SUGP1: variants seen among roughly 807,000 people sequenced by gnomAD.
SUGP1 encodes the protein SURP and G-patch domain-containing protein 1.
Under a neutral mutation model 76.5 loss-of-function variants are expected in SUGP1, and 34 were observed. The observed-to-expected ratio is 0.44, with a 90% CI of 0.34 to 0.59. The LOEUF is 0.59. SUGP1 is among the 20% of genes least tolerant of loss of function. SUGP1 has a pLI of 0.01. For missense variants in SUGP1, 752 were observed against 851.7 expected (o/e 0.88, Z 1.46); for synonymous variants, 326 against 326.2 (o/e 1.00, Z 0.01).
chr19:19,312,144 C>T lies in SUGP1; in HGVS notation c.207-1944G>A, dbSNP rs187506840. Among the ~76,000 whole-genome samples the T allele has an allele frequency of 4.0e-5, 6 of 151,580 alleles. No individual in the cohort carries two copies. In the East Asian group the frequency reaches 7.8e-4, roughly 20 times the overall value. Reference sequence around the variant, plus strand: ...TAATTCCAGCATTCCAGAGGATCACCGGAGCCCAGGAGGTCAAGGCGGAAG... The same window carrying T: ...TAATTCCAGCATTCCAGAGGATCACTGGAGCCCAGGAGGTCAAGGCGGAAG... On this transcript the variant is annotated intron_variant, in intron 2 of 13. Transcript: ENST00000247001.
rs767708960 is a variant in SUGP1 at position 19,303,337 on chromosome 19, C to T, written c.763+11G>A. The T allele has an allele frequency of 1.7e-5, 28 of 1,611,748 alleles. No homozygotes were observed. The highest frequency in any genetic ancestry group is 5.3e-5 in the African/African-American group (4 of 74,864). On this transcript the variant is annotated intron_variant, in intron 6 of 13. Coordinates refer to ENST00000247001, the MANE Select transcript of SUGP1 (RefSeq NM_172231.4). Reference sequence around the variant, plus strand: ...CCTCCCCAGAATCTCCCACCCGCTCCGTCCACCTACCTTTCTGAGAGGCTG... The same window carrying T: ...CCTCCCCAGAATCTCCCACCCGCTCTGTCCACCTACCTTTCTGAGAGGCTG...
chr19:19,281,158 T>G (rs909611222), intron 8 of SUGP1: 7 of 152,292 alleles, frequency 4.6e-5, no homozygotes, highest in African/African-American at 1.4e-4. Context: ...CCTTAGAGCA[T>G]GCCCACAGTC....
chr19:19,276,469 CGCT>C lies in SUGP1; in HGVS notation c.*176_*178del. The C allele has an allele frequency of 2.9e-6, 2 of 692,218 alleles. No homozygotes were observed. Among genetic ancestry groups the C allele is most frequent in the Non-Finnish European group, 5.0e-6 (2 of 401,554 alleles). 42.9% of individuals were successfully genotyped at this position (692,218 alleles called of 1,614,324 possible). ...AGCCCCGAGACAGCATCTTGCATCC[CGCT>C]GCTAACAGGAGGGGCTTCCTGCAAC... is the stretch of plus-strand genomic sequence containing the variant. On this transcript the variant is annotated 3_prime_UTR_variant, in exon 14 of 14. Coordinates refer to ENST00000247001, the MANE Select transcript of SUGP1 (RefSeq NM_172231.4).
rs569955081 is a variant in SUGP1 at position 19,297,253 on chromosome 19, A to T, written c.979T>A (p.Phe327Ile). 1.3e-6 allele frequency: 2 copies of T among 1,583,750 alleles called. No individual in the cohort carries two copies. Among genetic ancestry groups the T allele is most frequent in the African/African-American group, 1.3e-5 (1 of 74,430 alleles). ...TTCAGGCCGGGATCAGGTGCTGTGAAGCTGCCTGTGGAGCTGGCCTTGGCT... is the reference window on the plus strand; with the variant it reads ...TTCAGGCCGGGATCAGGTGCTGTGATGCTGCCTGTGGAGCTGGCCTTGGCT... ...RKAKASSTGS[F>I]TAPDPGLKRK... The change falls in exon 8 of 14, where the codon TTC becomes ATC. Residue 327 changes from phenylalanine (F) to isoleucine (I), a missense_variant. Physicochemically the swap from Phe to Ile is conservative, Grantham distance 21 (BLOSUM62 0). This residue lies in a region of SUGP1 where 620 missense variants were observed against 617.3 expected (regional missense o/e 1.00). Coordinates refer to ENST00000247001, the MANE Select transcript of SUGP1 (RefSeq NM_172231.4).
chr19:19,305,243 GTTCA>G (rs2061307490), intron 4 of SUGP1, among the ~76,000 whole-genome samples: 4 of 152,182 alleles, frequency 2.6e-5, no homozygotes, highest in African/African-American at 9.7e-5. Context: ...CCTTCACACA[GTTCA>G]GGTGTCACAG....
intron 8 of SUGP1, among the ~76,000 whole-genome samples, chr19:19,288,476 TA>T (rs1256593927): frequency 6.6e-6 from 1 of 152,164 alleles, no homozygotes; most frequent in Non-Finnish European, 1.5e-5. Flanking sequence ...AACAGTAGGC[TA>T]TTAGTAGTTA....
intron 8 of SUGP1, among the ~76,000 whole-genome samples, chr19:19,294,523 A>AC (rs896465370): frequency 4.0e-5 from 6 of 151,832 alleles, no homozygotes; most frequent in African/African-American, 9.7e-5. Context: ...AAAAAAAAAA[A>AC]AAAACCCAAA....
In SUGP1 at chr19:19,279,300, G is replaced by C. The variant is rs749160884; in HGVS notation, c.1441C>G (p.His481Asp). The change falls in exon 10 of 14, where the codon CAC (histidine) becomes GAC (aspartate). Residue 481 changes from histidine to aspartate, a missense_variant. By Grantham distance (81) the His-to-Asp change is moderately conservative (BLOSUM62 -1). This residue lies in a region of SUGP1 where 132 missense variants were observed against 234.4 expected (regional missense o/e 0.56). Coordinates refer to ENST00000247001, the MANE Select transcript of SUGP1 (RefSeq NM_172231.4). ...ACCTCCTCATCACTGTCATAGCCGT[G>C]CTGGTGCTGTTGGACTGCCTTCTCC... ...LWEKAVQQHQ[H>D]GYDSDEEVDS... 1.2e-6 allele frequency: 2 copies of C among 1,611,226 alleles called. No homozygotes were observed. The highest frequency in any genetic ancestry group is 2.7e-5 in the African/African-American group (2 of 74,864).
At chr19:19,310,708 A>G (rs1415749826) in intron 2 of SUGP1, among the ~76,000 whole-genome samples, 1 of 152,158 alleles carries the variant, frequency 6.6e-6, no homozygotes, top group East Asian at 1.9e-4. Context: ...CAGTGGGGCA[A>G]TCTTGGCTCA....
In SUGP1 at chr19:19,305,913, C is replaced by T. The variant is rs761121456; in HGVS notation, c.474G>A (p.Pro158=). 9.3e-5 allele frequency: 150 copies of T among 1,613,670 alleles called. No homozygotes were observed. Among genetic ancestry groups the T allele is most frequent in the East Asian group, 3.8e-4 (17 of 44,858 alleles). The part of the protein sequence containing the change: ...HAKQLPVAHR[P]SVFQSPDEDE... ...CCTCGTCAGGGGACTGGAAGACACTCGGGCGGTGCGCCACGGGCAGCTGCT... is the reference window on the plus strand; with the variant it reads ...CCTCGTCAGGGGACTGGAAGACACTTGGGCGGTGCGCCACGGGCAGCTGCT... Residue 158 remains proline, a synonymous_variant, in exon 4 of 14, where the codon CCG becomes CCA. Coordinates refer to ENST00000247001, the MANE Select transcript of SUGP1 (RefSeq NM_172231.4).
chr19:19,297,436 CGTTGGCCAG>C, intron 7 of SUGP1, 92 bp from the exon 8 acceptor site: 1 of 791,820 alleles, frequency 1.3e-6, no homozygotes, highest in Non-Finnish European at 1.8e-6. Context: ...TGTGTGCCCA[CGTTGGCCAG>C]GGTCACTATA....
intron 8 of SUGP1, among the ~76,000 whole-genome samples, chr19:19,295,725 C>T (rs1370296065): frequency 2.0e-5 from 3 of 150,354 alleles, no homozygotes; most frequent in Non-Finnish European, 4.4e-5. Flanking sequence ...CAAACAAAAA[C>T]TGGGCATGGT....
intron 3 of SUGP1, among the ~76,000 whole-genome samples, chr19:19,309,794 C>A (rs1303433500): frequency 6.6e-6 from 1 of 152,152 alleles, no homozygotes; most frequent in African/African-American, 2.4e-5. Context: ...CGTCTGTAGT[C>A]CCAGGTACTC....
chr19:19,276,939 A>G lies in SUGP1; in HGVS notation c.1911+8T>C. On this transcript the variant is annotated splice_region_variant and intron_variant, in intron 13 of 13. Coordinates refer to ENST00000247001, the MANE Select transcript of SUGP1 (RefSeq NM_172231.4). ...CTGAGCAAAGGCAGCCCAGGAGGAC[A>G]TGCGTACCAGGGGGTTGGGCCGGAA... 6.2e-7 allele frequency: 1 copy of G among 1,612,878 alleles called. No homozygotes were observed. Among genetic ancestry groups the G allele is most frequent in the Non-Finnish European group, 8.5e-7 (1 of 1,179,960 alleles).
At chr19:19,300,884 CA>C (rs1394509091) in intron 7 of SUGP1, among the ~76,000 whole-genome samples, 1 of 152,290 alleles carries the variant, frequency 6.6e-6, no homozygotes, top group Non-Finnish European at 1.5e-5. Context: ...GTTCTGACAT[CA>C]GGGGTGAGGC....
rs199690877 is a variant in SUGP1 at position 19,303,724 on chromosome 19, G to A, written c.662C>T (p.Ala221Val). The change falls in exon 5 of 14, where the codon GCA (alanine) becomes GTA (valine). Residue 221 changes from alanine (A) to valine (V), a missense_variant and splice_region_variant. Physicochemically the swap from Ala to Val is moderately conservative, Grantham distance 64. Coordinates refer to ENST00000247001, the MANE Select transcript of SUGP1 (RefSeq NM_172231.4). Reference sequence around the variant, plus strand: ...CCTTCCCTTCCCCGGAGATACTCACGCAAATGCTGGGTTATCCTTGTAGTC... The same window carrying A: ...CCTTCCCTTCCCCGGAGATACTCACACAAATGCTGGGTTATCCTTGTAGTC... ...MEDYKDNPAF[A>V]FLHDKNSREF... 69 of 1,614,154 alleles carry A rather than the reference G, an allele frequency of 4.3e-5. No homozygotes were observed. The East Asian group carries it at 1.3e-3, about 30-fold the overall frequency.
intron 12 of SUGP1, among the ~76,000 whole-genome samples, chr19:19,277,501 T>C (rs1338770804): frequency 3.3e-5 from 5 of 152,174 alleles, no homozygotes; most frequent in Non-Finnish European, 7.4e-5. Flanking sequence ...CCACCCCATC[T>C]GGCCTGGAGA....
intron 2 of SUGP1, among the ~76,000 whole-genome samples, chr19:19,310,581 C>G (rs562265319): frequency 3.3e-5 from 5 of 152,208 alleles, no homozygotes; most frequent in Non-Finnish European, 7.3e-5. Context: ...TGTCTGTCCT[C>G]CTGCTAGACC....
chr19:19,319,820 G>A (rs2061426214), intron 1 of SUGP1, among the ~76,000 whole-genome samples: 1 of 151,570 alleles, frequency 6.6e-6, no homozygotes. Flanking sequence ...TCATACGTAA[G>A]TTTTTGTAAA....
Sources: allele counts gnomAD v4.1 joint callset (sites outside exome capture counted in the v4.1 genomes callset), GRCh38; gene constraint gnomAD v4.1.1; regional missense constraint gnomAD v4.1.1; transcripts MANE v1.5; gene names NCBI Gene and HGNC (gene_info 2026-07-23, HGNC 2026-07-21).